Variants in ATP2B4 observed in about 807,000 individuals in gnomAD.
ATP2B4 encodes the protein plasma membrane calcium-transporting ATPase 4.
Under a neutral mutation model 110.3 loss-of-function variants are expected in ATP2B4, and 39 were observed. The observed-to-expected ratio is 0.35, with a 90% confidence interval of 0.27 to 0.46. The LOEUF (loss-of-function observed/expected upper bound fraction) is 0.46. Among genes scored for constraint, ATP2B4 ranks in the 20% least tolerant of loss-of-function variants. The probability of loss-of-function intolerance (pLI) is 1.00; values close to 1 mark genes in which losing one functional copy is unlikely to be tolerated. For synonymous variants in ATP2B4, 538 were observed against 571.7 expected (o/e 0.94, Z 0.84); for missense variants, 1,135 against 1,530.9 (o/e 0.74, Z 4.32).
intron 1 of ATP2B4, among the ~76,000 whole-genome samples, chr1:203,675,726 C>T (rs1056549931): frequency 5.9e-5 from 9 of 152,216 alleles, no homozygotes; most frequent in Admixed American, 2.6e-4. Flanking sequence ...GAGGGAGGCC[C>T]GTGGATACCA....
At chr1:203,633,374 C>T (rs186520012) in intron 1 of ATP2B4, among the ~76,000 whole-genome samples, 84 of 152,284 alleles carry the variant, frequency 5.5e-4, no homozygotes, top group South Asian at 4.6e-3. Flanking sequence ...GCAGGAGGAT[C>T]GCTGGAGCCC....
At position 203,653,799 on chromosome 1, in the gene ATP2B4, C is replaced by T. The variant is rs533261935; in HGVS notation, c.-465+26580C>T. ...CTCAAACTCCTGACCTCAAGTGACC[C>T]GCCCTCCTTGGCCTCACAAAGTGTT... On this transcript the variant is annotated intron_variant, in intron 1 of 20. Transcript: ENST00000357681. 5.3e-5 allele frequency among the ~76,000 whole-genome samples: 8 copies of T among 151,796 alleles called. No individual in the cohort carries two copies. The South Asian group carries it at 8.3e-4, about 16-fold the overall frequency.
At position 203,712,042 on chromosome 1, in the gene ATP2B4, C is replaced by A. The variant is rs763595209; in HGVS notation, c.2114C>A (p.Ala705Asp). 4 of 1,614,062 alleles carry A rather than the reference C, an allele frequency of 2.5e-6. No homozygotes were observed. In the Admixed American group the frequency reaches 6.7e-5, roughly 27 times the overall value. Residue 705 changes from alanine to aspartate, a missense_variant, in exon 13 of 21, where the codon GCC (alanine) becomes GAC (aspartate). Physicochemically the swap from Ala to Asp is moderately radical, Grantham distance 126. Around this residue, in one of 9 missense-constraint regions of ATP2B4, gnomAD observed 368 missense variants for 455.9 expected, o/e 0.81. Coordinates refer to ENST00000357681, the MANE Select transcript of ATP2B4 (RefSeq NM_001684.5). ...GGTGACAACATCAACACAGCCCGGG[C>A]CATTGCCACCAAATGTGGCATTCTG... Reference protein sequence around the residue: ...VTGDNINTARAIATKCGILTP... With the variant: ...VTGDNINTARDIATKCGILTP...
chr1:203,632,910 T>C (rs1214211535), intron 1 of ATP2B4, among the ~76,000 whole-genome samples: 1 of 151,864 alleles, frequency 6.6e-6, no homozygotes, highest in African/African-American at 2.4e-5. Context: ...AAAAGAATCT[T>C]TCGGGGTTTT....
In ATP2B4 at chr1:203,629,808, A is replaced by C. The variant is rs551898530; in HGVS notation, c.-465+2589A>C. Among the ~76,000 whole-genome samples the C allele has an allele frequency of 6.6e-6, 1 of 152,282 alleles. No homozygotes were observed. The highest frequency in any genetic ancestry group is 2.1e-4 in the South Asian group (1 of 4,822). ...CACCAAGTCTCTAGATTCAAGGTCA[A>C]GTCAAAGGAGCACAGCCCGTCTTAC... On this transcript the variant is annotated intron_variant, in intron 1 of 20. Transcript: ENST00000357681. The surrounding 1 kb of genome is among the most constrained non-coding windows in gnomAD (Gnocchi z 4.6).
rs1432224723 is a variant in ATP2B4, at chr1:203,703,812, C to T, written c.1098C>T (p.Ala366=). The T allele has an allele frequency of 2.3e-5, 37 of 1,613,520 alleles. No homozygotes were observed. Among genetic ancestry groups the T allele is most frequent in the South Asian group, 5.5e-5 (5 of 91,010 alleles). The part of the protein sequence containing the change: ...LTRLAVQIGK[A]GLLMSALTVF... Reference sequence around the variant, plus strand: ...GCCTGGCTGTTCAGATTGGGAAAGCCGGTGAGTAGGGTAGAGCCTCGTTGT... The same window carrying T: ...GCCTGGCTGTTCAGATTGGGAAAGCTGGTGAGTAGGGTAGAGCCTCGTTGT... Residue 366 remains alanine (A), a splice_region_variant and synonymous_variant, in exon 8 of 21, where the codon GCC becomes GCT. Coordinates refer to ENST00000357681, the MANE Select transcript of ATP2B4 (RefSeq NM_001684.5).
intron 10 of ATP2B4, among the ~76,000 whole-genome samples, chr1:203,708,455 C>T (rs1665912866): frequency 6.6e-6 from 1 of 152,114 alleles, no homozygotes; most frequent in Admixed American, 6.5e-5. Context: ...TAGAATAAGA[C>T]CCACACAAGG....
intron 7 of ATP2B4, 93 bp downstream of exon 7, chr1:203,702,172 T>A: frequency 6.7e-7 from 1 of 1,488,864 alleles, no homozygotes; most frequent in Non-Finnish European, 9.3e-7. Context: ...TTCCTCTCCA[T>A]AAATCTGTTA....
intron 1 of ATP2B4, among the ~76,000 whole-genome samples, chr1:203,669,172 G>T (rs551386393): frequency 3.9e-4 from 59 of 152,174 alleles, no homozygotes; most frequent in Non-Finnish European, 6.6e-4. Flanking sequence ...GAATCAACTG[G>T]GTTGTGTTCA....
intron 1 of ATP2B4, among the ~76,000 whole-genome samples, chr1:203,681,935 G>GA (rs58655327): frequency 2.0e-5 from 3 of 148,664 alleles, no homozygotes; most frequent in Non-Finnish European, 1.5e-5. Context: ...CCCTTTACTA[G>GA]AAAAAAAAAA....
chr1:203,702,180 T>C, intron 7 of ATP2B4, 101 bp downstream of exon 7: 2 of 1,457,988 alleles, frequency 1.4e-6, no homozygotes, highest in Non-Finnish European at 1.9e-6. Flanking sequence ...CATAAATCTG[T>C]TATCTGCTGC....
intron 2 of ATP2B4, among the ~76,000 whole-genome samples, chr1:203,693,281 G>A (rs966273078): frequency 2.0e-5 from 3 of 152,126 alleles, no homozygotes; most frequent in South Asian, 2.1e-4. Flanking sequence ...GGGATTGGCC[G>A]AGCTCCCAGT....
chr1:203,664,787 G>C (rs1289699560), intron 1 of ATP2B4, among the ~76,000 whole-genome samples: 1 of 152,174 alleles, frequency 6.6e-6, no homozygotes, highest in Non-Finnish European at 1.5e-5. Context: ...GGGAATGCCA[G>C]GTTGACAGTT....
At chr1:203,693,808 C>T (rs1156848240) in intron 2 of ATP2B4, among the ~76,000 whole-genome samples, 1 of 152,180 alleles carries the variant, frequency 6.6e-6, no homozygotes, top group African/African-American at 2.4e-5. Context: ...GCCAACCATC[C>T]CGGTTTGCCC....
intron 1 of ATP2B4, among the ~76,000 whole-genome samples, chr1:203,662,481 G>C (rs1664370181): frequency 6.6e-6 from 1 of 152,122 alleles, no homozygotes; most frequent in South Asian, 2.1e-4. Context: ...ACTCCATCCA[G>C]CCTGTGGTAA....
intron 15 of ATP2B4, among the ~76,000 whole-genome samples, chr1:203,718,854 T>C (rs552265428): frequency 1.1e-3 from 169 of 152,210 alleles, no homozygotes; most frequent in African/African-American, 4.0e-3. Context: ...ATTTGTAACA[T>C]TTGTCTGTGT....
chr1:203,698,417 C>T (rs370603910), intron 3 of ATP2B4, 63 bp downstream of exon 3: 5 of 1,525,418 alleles, frequency 3.3e-6, no homozygotes, highest in Non-Finnish European at 4.5e-6. Context: ...CACCACCAAG[C>T]GCTTAGTATT....
At chr1:203,651,540 C>G (rs1663995136) in intron 1 of ATP2B4, among the ~76,000 whole-genome samples, 1 of 152,170 alleles carries the variant, frequency 6.6e-6, no homozygotes, top group East Asian at 1.9e-4. Flanking sequence ...TCACCATTCT[C>G]TTGATAACCA....
chr1:203,714,198 A>G lies in ATP2B4; in HGVS notation c.2327A>G (p.His776Arg). 6.2e-7 allele frequency: 1 copy of G among 1,614,146 alleles called. No homozygotes were observed. The highest frequency in any genetic ancestry group is 8.5e-7 in the Non-Finnish European group (1 of 1,180,006). The change falls in exon 15 of 21, where the codon CAC (histidine) becomes CGC (arginine). Residue 776 changes from histidine to arginine, a missense_variant. By Grantham distance (29) the His-to-Arg change is conservative (BLOSUM62 0). Around this residue, in one of 9 missense-constraint regions of ATP2B4, gnomAD observed 368 missense variants for 455.9 expected, o/e 0.81. Transcript: ENST00000357681. ...KGIIDSTVGE[H>R]RQVVAVTGDG... ...ATAATTGACAGCACTGTTGGGGAAC[A>G]CCGGCAGGTCGTGGCTGTCACTGGT...
Sources: gnomAD v4.1 joint callset for allele counts (sites outside exome capture counted in the v4.1 genomes callset) on GRCh38, gnomAD v4.1.1 for gene constraint, gnomAD v4.1.1 regional missense constraint, Gnocchi (gnomAD v3.1) non-coding constraint, MANE v1.5 for transcripts, NCBI Gene and HGNC (gene_info 2026-07-23, HGNC 2026-07-21) for gene names.